KDM4F: variants seen among roughly 807,000 people sequenced by gnomAD.
KDM4F encodes the protein probable lysine-specific demethylase 4F.
For missense variants in KDM4F, 586 were observed against 496.4 expected, an observed-to-expected ratio of 1.18 and a Z score of -1.71; for synonymous variants, 223 against 184.4, an observed-to-expected ratio of 1.21 and a Z score of -1.70.
At chr11:95,049,972 C>G in exon 1 of KDM4F, 6 of 1,614,214 alleles carry the variant, frequency 3.7e-6, no homozygotes, top group Non-Finnish European at 5.1e-6. Context: ...ATGTGGAAGA[C>G]CACGTTTGCT....
exon 1 of KDM4F, chr11:95,050,113 A>G (rs1332739251): frequency 1.1e-5 from 17 of 1,574,052 alleles, no homozygotes; most frequent in African/African-American, 2.7e-5. Context: ...TTCCCAGGCA[A>G]TTCCCGGGGC....
At chr11:95,050,525 T>C in exon 1 of KDM4F, 1 of 704,200 alleles carries the variant, frequency 1.4e-6, no homozygotes, top group Non-Finnish European at 2.6e-6. Context: ...GGAGAGCTGC[T>C]CTGGGCCTGA....
exon 1 of KDM4F, chr11:95,050,027 C>G: frequency 6.2e-7 from 1 of 1,613,746 alleles, no homozygotes; most frequent in Non-Finnish European, 8.5e-7. Context: ...ACTACCTGCA[C>G]TTTGGGGAGC....
At chr11:95,050,465 G>C in exon 1 of KDM4F, 2 of 756,362 alleles carry the variant, frequency 2.6e-6, no homozygotes, top group East Asian at 5.2e-5. Flanking sequence ...TGGAGCCCAG[G>C]GTTGCAGAAA....
At chr11:95,049,783 G>C in exon 1 of KDM4F, 3 of 1,598,892 alleles carry the variant, frequency 1.9e-6, no homozygotes, top group Non-Finnish European at 1.7e-6. Context: ...TTGGAGCAAC[G>C]ATACTGGAAG....
exon 1 of KDM4F, chr11:95,051,295 C>T (rs552783530): frequency 3.4e-4 from 136 of 398,690 alleles, no homozygotes; most frequent in African/African-American, 2.5e-3. Context: ...ATGATCAATC[C>T]TCTGGACCCA....
exon 1 of KDM4F, chr11:95,050,105 C>T (rs1555105368): frequency 6.3e-7 from 1 of 1,579,458 alleles, no homozygotes; most frequent in Non-Finnish European, 8.7e-7. Context: ...GGGAGCTCTT[C>T]CCAGGCAATT....
chr11:95,050,092 C>T lies in KDM4F; in HGVS notation c.671C>T (p.Ala224Val), dbSNP rs535135214. Reference sequence around the variant, plus strand: ...CATGGTCAGCGCCTGGAATGCCTGGCCAGGGAGCTCTTCCCAGGCAATTCC... The same window carrying T: ...CATGGTCAGCGCCTGGAATGCCTGGTCAGGGAGCTCTTCCCAGGCAATTCC... Residue 224 changes from alanine (A) to valine (V), a missense_variant, in exon 1 of 1, where the codon GCC (alanine) becomes GTC (valine). Ala to Val is a moderately conservative substitution (Grantham distance 64). Coordinates refer to ENST00000545950, the Ensembl canonical transcript of KDM4F. 8.2e-6 allele frequency: 13 copies of T among 1,590,722 alleles called. No individual in the cohort carries two copies. In the South Asian group the frequency reaches 1.1e-4, roughly 13 times the overall value.
chr11:95,051,100 A>G (rs952202677), exon 1 of KDM4F: 2 of 404,380 alleles, frequency 4.9e-6, no homozygotes, highest in African/African-American at 4.1e-5. Context: ...TTGTCCAGGG[A>G]CACTGGTGGA....
At chr11:95,051,292 A>G (rs1555105483) in exon 1 of KDM4F, 6 of 398,596 alleles carry the variant, frequency 1.5e-5, no homozygotes, top group Admixed American at 4.4e-5. Flanking sequence ...TGCATGATCA[A>G]TCCTCTGGAC....
At chr11:95,050,249 C>T (rs879982766) in exon 1 of KDM4F, 2 of 1,543,522 alleles carry the variant, frequency 1.3e-6, no homozygotes, top group East Asian at 4.5e-5. Flanking sequence ...CCTATGGCTA[C>T]CATGCTGGCT....
Position 95,050,855 on chromosome 11 carries a change from G to T in KDM4F, c.1434G>T (p.Gln478His), listed in dbSNP as rs1372931824. Reference sequence around the variant, plus strand: ...CTCCAGGCCGCAAACCTCAGCTCCAGTTCGCCGATGAAGCTTTGACAGACA... The same window carrying T: ...CTCCAGGCCGCAAACCTCAGCTCCATTTCGCCGATGAAGCTTTGACAGACA... The change falls in exon 1 of 1, where the codon CAG (glutamine) becomes CAT (histidine). Residue 478 changes from glutamine to histidine, a missense_variant. Gln to His is a conservative substitution (Grantham distance 24). Coordinates refer to ENST00000545950, the Ensembl canonical transcript of KDM4F. 24 of 541,334 alleles carry T rather than the reference G, an allele frequency of 4.4e-5. 1 individual carries two copies. The highest frequency in any genetic ancestry group is 2.5e-4 in the Admixed American group (8 of 32,050). The allele number at this position is 541,334 out of a possible 1,614,324, so 33.5% of individuals were successfully genotyped here. A position where few individuals can be genotyped will look rare whatever the true frequency, so the allele number is the denominator to read the frequency against.
At chr11:95,050,544 C>T (rs1277140142) in exon 1 of KDM4F, 7 of 695,692 alleles carry the variant, frequency 1.0e-5, no homozygotes, top group Middle Eastern at 2.4e-4. Flanking sequence ...GAGGCATCTC[C>T]GGAACCACAT....
At chr11:95,050,730 G>A in exon 1 of KDM4F, 1 of 643,328 alleles carries the variant, frequency 1.6e-6, no homozygotes, top group Non-Finnish European at 2.8e-6. Flanking sequence ...TCGAGGTCGT[G>A]GTCGAGGCCG....
At chr11:95,050,885 C>T (rs1455811263) in exon 1 of KDM4F, 3 of 521,848 alleles carry the variant, frequency 5.7e-6, no homozygotes, top group East Asian at 3.0e-5. Flanking sequence ...CAGACAAACC[C>T]GCACCTTTGA....
chr11:95,050,931 T>G, exon 1 of KDM4F: 1 of 488,958 alleles, frequency 2.0e-6, no homozygotes, highest in South Asian at 4.3e-5. Context: ...GGCTTCTGGC[T>G]GCTGTTGTGC....
At chr11:95,049,910 G>C (rs1351397181) in exon 1 of KDM4F, 46 of 1,611,982 alleles carry the variant, frequency 2.9e-5, no homozygotes, top group Non-Finnish European at 3.3e-5. Flanking sequence ...TGTTGGAGCA[G>C]GAATGTGGGG....
exon 1 of KDM4F, chr11:95,049,873 T>G (rs373621393): frequency 9.3e-6 from 15 of 1,608,980 alleles, no homozygotes; most frequent in Non-Finnish European, 1.1e-5. Context: ...CAATGGAACC[T>G]AGGACACCTG....
exon 1 of KDM4F, chr11:95,050,788 C>G (rs1396173485): frequency 3.2e-6 from 2 of 630,392 alleles, no homozygotes; most frequent in Non-Finnish European, 5.7e-6. Context: ...ACTGTTCAGT[C>G]TGCAGCTAAG....
Sources: gnomAD v4.1 joint callset for allele counts on GRCh38, gnomAD v4.1.1 for gene constraint, MANE v1.5 for transcripts, NCBI Gene and HGNC (gene_info 2026-07-23, HGNC 2026-07-21) for gene names.